The following NIM1K variants were observed in gnomAD, a reference collection of about 807,000 sequenced individuals.
NIM1K encodes the protein NIM1 serine/threonine protein kinase, also known as serine/threonine-protein kinase NIM1.
A neutral mutation model predicts 37.1 loss-of-function variants in NIM1K; 35 were observed. The observed-to-expected ratio is 0.94, with a 90% confidence interval of 0.72 to 1.25. The LOEUF (loss-of-function observed/expected upper bound fraction) is 1.25. NIM1K is among the 50% of genes most tolerant of loss of function. NIM1K has a pLI of 0.00. For missense variants in NIM1K, 564 were observed against 548.0 expected, an observed-to-expected ratio of 1.03 and a Z score of -0.29; for synonymous variants, 234 against 206.6, an observed-to-expected ratio of 1.13 and a Z score of -1.14.
chr5:43,255,988 C>A (rs1307287394), intron 2 of NIM1K, among the ~76,000 whole-genome samples: 3 of 151,720 alleles, frequency 2.0e-5, no homozygotes, highest in Admixed American at 1.3e-4. Flanking sequence ...GGGGAAAGGG[C>A]AGAGAGTAAC....
chr5:43,213,213 C>CTTTCTTTCTTTCT lies in NIM1K; in HGVS notation c.-695+20814_-695+20815insTTTTCTTTCTTTC, dbSNP rs1554013580. Among the ~76,000 whole-genome samples the CTTTCTTTCTTTCT allele has an allele frequency of 3.1e-4, 14 of 45,650 alleles. 1 individual carries two copies. Among genetic ancestry groups the CTTTCTTTCTTTCT allele is most frequent in the African/African-American group, 1.0e-3 (13 of 12,442 alleles). 29.9% of individuals were successfully genotyped at this position (45,650 alleles called of 152,430 possible). A position where few individuals can be genotyped will look rare whatever the true frequency, so the allele number is the denominator to read the frequency against. On this transcript the variant is annotated intron_variant, in intron 1 of 3. Coordinates refer to ENST00000326035, the MANE Select transcript of NIM1K (RefSeq NM_153361.4). ...TCTTTCTTTCTTTCTTTCTTTCTTTCTTTCTTTCTTTCCTTCTTTTCTTCC... is the reference window on the plus strand; with the variant it reads ...TCTTTCTTTCTTTCTTTCTTTCTTTCTTTCTTTCTTTCTTTTCTTTCTTTCCTTCTTTTCTTCC...
chr5:43,272,332 G>A (rs73096623), intron 2 of NIM1K, among the ~76,000 whole-genome samples: 4,834 of 152,024 alleles, frequency 0.032, 285 homozygotes, highest in African/African-American at 0.11. Flanking sequence ...CAGACCAGGA[G>A]TACATCCCCC....
chr5:43,260,302 T>C (rs1411532523), intron 2 of NIM1K, among the ~76,000 whole-genome samples: 1 of 152,202 alleles, frequency 6.6e-6, no homozygotes, highest in African/African-American at 2.4e-5. Context: ...CTTGTCTTGT[T>C]CCAGCTCTCA....
intron 2 of NIM1K, among the ~76,000 whole-genome samples, chr5:43,253,466 G>A (rs1474205439): frequency 6.6e-6 from 1 of 151,864 alleles, no homozygotes; most frequent in Non-Finnish European, 1.5e-5. Flanking sequence ...TCCAGAAAGA[G>A]AGATAGGATA....
At chr5:43,221,525 G>A (rs535147306) in intron 1 of NIM1K, among the ~76,000 whole-genome samples, 2 of 151,622 alleles carry the variant, frequency 1.3e-5, no homozygotes, top group Non-Finnish European at 2.9e-5. Flanking sequence ...AATTTAAAGA[G>A]TTTAATTGAG....
intron 1 of NIM1K, chr5:43,207,317 C>G: frequency 1.3e-6 from 1 of 766,854 alleles, no homozygotes; most frequent in Non-Finnish European, 2.4e-6. Context: ...AATAGTCAAA[C>G]TAAAACCAAA....
At chr5:43,256,232 A>C (rs772295250) in intron 2 of NIM1K, among the ~76,000 whole-genome samples, 1 of 151,854 alleles carries the variant, frequency 6.6e-6, no homozygotes, top group Non-Finnish European at 1.5e-5. Flanking sequence ...AAAAAGAGAG[A>C]TCAGTTAGGA....
intron 2 of NIM1K, among the ~76,000 whole-genome samples, chr5:43,264,421 T>C (rs1753088386): frequency 6.6e-6 from 1 of 152,132 alleles, no homozygotes; most frequent in Non-Finnish European, 1.5e-5. Flanking sequence ...AAAGTCTGTT[T>C]TATCAGAGAC....
In NIM1K at chr5:43,280,292, C is replaced by T. The variant is rs375435754; in HGVS notation, c.874C>T (p.Pro292Ser). The T allele has an allele frequency of 9.9e-6, 16 of 1,614,042 alleles. No homozygotes were observed. Among genetic ancestry groups the T allele is most frequent in the Non-Finnish European group, 1.4e-5 (16 of 1,180,034 alleles). Residue 292 changes from proline to serine, a missense_variant, in exon 4 of 4, where the codon CCG (proline) becomes TCG (serine). Transcript: ENST00000326035. ...SILEGTYSVP[P>S]HVSEPCHRLI... is the part of the protein sequence containing the mutation. ...CCTCGAGGGCACATACAGTGTACCG[C>T]CGCACGTGTCAGAGCCCTGCCACCG...
At chr5:43,214,838 A>C (rs924284496) in intron 1 of NIM1K, among the ~76,000 whole-genome samples, 2 of 151,426 alleles carry the variant, frequency 1.3e-5, no homozygotes, top group African/African-American at 4.8e-5. Flanking sequence ...AAAACAAAAA[A>C]GAAAAAAGAA....
At chr5:43,241,951 G>C (rs559483327) in intron 1 of NIM1K, among the ~76,000 whole-genome samples, 2 of 152,028 alleles carry the variant, frequency 1.3e-5, no homozygotes, top group South Asian at 4.2e-4. Context: ...AGTGAGATAG[G>C]GGTTTGGCTT....
intron 1 of NIM1K, among the ~76,000 whole-genome samples, chr5:43,202,497 T>A (rs1425739158): frequency 6.6e-6 from 1 of 152,156 alleles, no homozygotes; most frequent in Non-Finnish European, 1.5e-5. Flanking sequence ...CAATACAAAA[T>A]GCGAGATTAA....
At chr5:43,219,941 G>C (rs1232020946) in intron 1 of NIM1K, among the ~76,000 whole-genome samples, 1 of 151,974 alleles carries the variant, frequency 6.6e-6, no homozygotes, top group Admixed American at 6.5e-5. Context: ...TGGCCAGGCT[G>C]GTCTTGAACT....
intron 2 of NIM1K, among the ~76,000 whole-genome samples, chr5:43,267,321 C>T (rs986371898): frequency 4.6e-5 from 7 of 152,134 alleles, no homozygotes; most frequent in African/African-American, 1.7e-4. Flanking sequence ...ATTTTCATTT[C>T]TAATTGAACT....
intron 1 of NIM1K, among the ~76,000 whole-genome samples, chr5:43,238,334 C>T (rs938440768): frequency 2.0e-5 from 3 of 151,930 alleles, no homozygotes; most frequent in East Asian, 1.9e-4. Flanking sequence ...TGAGCCACTG[C>T]GCCCGGCCAA....
At chr5:43,267,686 C>T (rs973231173) in intron 2 of NIM1K, among the ~76,000 whole-genome samples, 8 of 152,068 alleles carry the variant, frequency 5.3e-5, no homozygotes, top group African/African-American at 1.9e-4. Flanking sequence ...TTTAAATGTT[C>T]ATCTTTATTT....
At chr5:43,233,351 C>T (rs1752570607) in intron 1 of NIM1K, among the ~76,000 whole-genome samples, 1 of 151,038 alleles carries the variant, frequency 6.6e-6, no homozygotes, top group Admixed American at 6.6e-5. Flanking sequence ...TTGTCCCTAA[C>T]AACTGCCACC....
chr5:43,200,939 G>C (rs893035216), intron 1 of NIM1K, among the ~76,000 whole-genome samples: 22 of 151,688 alleles, frequency 1.5e-4, no homozygotes, highest in African/African-American at 5.3e-4. Context: ...GCCTGGCCAA[G>C]ATGGTGAAAC....
intron 1 of NIM1K, among the ~76,000 whole-genome samples, chr5:43,233,875 A>G (rs1370883088): frequency 6.6e-6 from 1 of 152,194 alleles, no homozygotes; most frequent in Non-Finnish European, 1.5e-5. Flanking sequence ...TTGTGATTCA[A>G]TGCATGATTC....
Sources: gnomAD v4.1 joint callset for allele counts (sites outside exome capture counted in the v4.1 genomes callset) on GRCh38, gnomAD v4.1.1 for gene constraint, MANE v1.5 for transcripts, NCBI Gene and HGNC (gene_info 2026-07-23, HGNC 2026-07-21) for gene names.